The following GRHL2 variants were observed in gnomAD, a reference collection of about 807,000 sequenced individuals.
GRHL2 encodes the protein grainyhead like transcription factor 2, also known as grainyhead-like protein 2 homolog.
GRHL2 carries 21 observed loss-of-function variants against 83.8 expected under a neutral mutation model. The ratio of observed to expected loss-of-function variants is 0.25; its 90% CI spans 0.18 to 0.36. The LOEUF is 0.36. GRHL2 is among the 10% of genes least tolerant of loss of function. GRHL2 has a pLI of 1.00. For missense variants in GRHL2, 623 were observed against 781.8 expected (o/e 0.80, Z 2.42); for synonymous variants, 280 against 278.9 (o/e 1.00, Z -0.04).
At chr8:101,657,278 C>T (rs1358299423) in intron 14 of GRHL2, among the ~76,000 whole-genome samples, 1 of 152,128 alleles carries the variant, frequency 6.6e-6, no homozygotes, top group Admixed American at 6.6e-5. Flanking sequence ...TGTTGTATGC[C>T]TCTGGAGAAG....
Position 101,644,202 on chromosome 8 carries a change from T to A in GRHL2, c.1589T>A (p.Met530Lys), listed in dbSNP as rs762760702. The change falls in exon 13 of 16, where the codon ATG (methionine) becomes AAG (lysine). Residue 530 changes from methionine (M) to lysine (K), a missense_variant. This residue lies in a region of GRHL2 where 210 missense variants were observed against 254.8 expected (regional missense o/e 0.82). Transcript: ENST00000646743. The stretch of plus-strand genomic sequence containing the variant: ...TTTGGTCCAGTGCCTTCAAAGCAGA[T>A]GAAAGAAGAAGGGACAAAGCGAGGT... ...EEFGPVPSKQ[M>K]KEEGTKRVLL... 1 of 1,613,924 alleles carries A rather than the reference T, an allele frequency of 6.2e-7. No individual in the cohort carries two copies. The highest frequency in any genetic ancestry group is 1.3e-5 in the African/African-American group (1 of 74,930).
chr8:101,622,490 A>G (rs1197755650), intron 9 of GRHL2, among the ~76,000 whole-genome samples: 1 of 152,212 alleles, frequency 6.6e-6, no homozygotes, highest in African/African-American at 2.4e-5. Context: ...GTGACAGTAT[A>G]TTCTGACAAG....
At chr8:101,633,752 CA>C (rs1476998171) in intron 11 of GRHL2, among the ~76,000 whole-genome samples, 2 of 151,742 alleles carry the variant, frequency 1.3e-5, no homozygotes, top group Non-Finnish European at 2.9e-5. Context: ...TTCCCAAGAC[CA>C]TGGTGATGAT....
At chr8:101,660,162 G>A (rs1201044670) in intron 14 of GRHL2, among the ~76,000 whole-genome samples, 1 of 152,176 alleles carries the variant, frequency 6.6e-6, no homozygotes, top group African/African-American at 2.4e-5. Flanking sequence ...TATTACATCT[G>A]TAACAATTAC....
intron 1 of GRHL2, among the ~76,000 whole-genome samples, chr8:101,512,322 T>G (rs1810483563): frequency 6.6e-6 from 1 of 152,248 alleles, no homozygotes; most frequent in Non-Finnish European, 1.5e-5. Context: ...TTTGCTCTAT[T>G]TATTTAAATC....
intron 4 of GRHL2, among the ~76,000 whole-genome samples, chr8:101,563,121 T>A (rs965030422): frequency 2.0e-5 from 3 of 152,182 alleles, no homozygotes. Flanking sequence ...ATCTCTATAT[T>A]CTAAATGAGG....
chr8:101,602,946 C>T (rs1458823442), intron 8 of GRHL2, among the ~76,000 whole-genome samples: 1 of 152,198 alleles, frequency 6.6e-6, no homozygotes, highest in Non-Finnish European at 1.5e-5. Context: ...CTCCTTTGGC[C>T]TGGTCCTCAT....
intron 1 of GRHL2, among the ~76,000 whole-genome samples, chr8:101,520,897 T>C (rs1225338170): frequency 1.3e-5 from 2 of 152,118 alleles, no homozygotes; most frequent in Non-Finnish European, 2.9e-5. Flanking sequence ...CTCTTTTCCT[T>C]GAGAAATTCC....
intron 2 of GRHL2, among the ~76,000 whole-genome samples, chr8:101,545,870 ATTTTTTTTTTTTTTTT>A (rs1174568425): frequency 2.4e-5 from 2 of 83,620 alleles, no homozygotes; most frequent in African/African-American, 4.8e-5. Context: ...TCTTTGTAAC[ATTTTTTTTTTTTTTTT>A]TTTTTTTTTT....
chr8:101,598,241 ATT>A (rs5893574), intron 7 of GRHL2, among the ~76,000 whole-genome samples: 2 of 137,134 alleles, frequency 1.5e-5, no homozygotes, highest in Admixed American at 7.5e-5. Context: ...GTCCAAAAAG[ATT>A]TTTTTTTTTT....
chr8:101,609,419 G>C (rs1470100330), intron 8 of GRHL2, among the ~76,000 whole-genome samples: 1 of 151,008 alleles, frequency 6.6e-6, no homozygotes, highest in Admixed American at 6.6e-5. Flanking sequence ...TTTCAGCCAG[G>C]CCTCCTGGCG....
chr8:101,619,769 T>A (rs1051093366), intron 9 of GRHL2, 72 bp downstream of exon 9: 3 of 1,173,664 alleles, frequency 2.6e-6, no homozygotes, highest in Non-Finnish European at 3.8e-6. Context: ...CATTTCTTCC[T>A]TGTCACCTTT....
intron 1 of GRHL2, among the ~76,000 whole-genome samples, chr8:101,530,444 TATAAC>T (rs1381140946): frequency 7.2e-5 from 11 of 152,242 alleles, no homozygotes; most frequent in African/African-American, 2.7e-4. Flanking sequence ...CTAATTTGGT[TATAAC>T]ATAATTCTTT....
intron 14 of GRHL2, among the ~76,000 whole-genome samples, chr8:101,654,382 G>C (rs551529001): frequency 6.6e-6 from 1 of 152,308 alleles, no homozygotes; most frequent in African/African-American, 2.4e-5. Flanking sequence ...ATAGTCAGTA[G>C]ATCTTAGCTG....
intron 1 of GRHL2, among the ~76,000 whole-genome samples, chr8:101,520,644 C>CT (rs1480019448): frequency 6.6e-6 from 1 of 152,082 alleles, no homozygotes; most frequent in Non-Finnish European, 1.5e-5. Context: ...TGTTCCCTTC[C>CT]TAAAGACCTC....
intron 3 of GRHL2, among the ~76,000 whole-genome samples, chr8:101,554,606 G>A (rs1260693848): frequency 6.6e-6 from 1 of 152,102 alleles, no homozygotes; most frequent in Non-Finnish European, 1.5e-5. Context: ...AATATAATTT[G>A]GAAGGATGTC....
chr8:101,589,798 A>G (rs759467233), intron 7 of GRHL2, among the ~76,000 whole-genome samples: 5 of 152,216 alleles, frequency 3.3e-5, no homozygotes, highest in Non-Finnish European at 5.9e-5. Context: ...GGGTCACTCT[A>G]TGCTGGTCAC....
At chr8:101,672,704 G>A (rs542282720), downstream of GRHL2, among the ~76,000 whole-genome samples, 2,312 of 151,784 alleles carry the variant, frequency 0.015, 22 homozygotes, top group Non-Finnish European at 0.023. Context: ...TACAGAGAAC[G>A]TCACAAAGAT....
the GRHL2 span, among the ~76,000 whole-genome samples, chr8:101,675,807 C>T: frequency 1.3e-5 from 2 of 152,142 alleles, no homozygotes; most frequent in Admixed American, 1.3e-4. Context: ...TGACTTCAAA[C>T]TATACTACAA....
Sources: gnomAD v4.1 joint callset for allele counts (sites outside exome capture counted in the v4.1 genomes callset) on GRCh38, gnomAD v4.1.1 for gene constraint, gnomAD v4.1.1 regional missense constraint, MANE v1.5 for transcripts, NCBI Gene and HGNC (gene_info 2026-07-23, HGNC 2026-07-21) for gene names.